The following PDE1C variants were observed in gnomAD, a reference collection of about 807,000 sequenced individuals.
The protein encoded by PDE1C is phosphodiesterase 1C.
A neutral mutation model predicts 93.1 loss-of-function variants in PDE1C; 62 were observed. That is an observed-to-expected ratio of 0.67 (90% CI 0.54 to 0.82). The LOEUF (loss-of-function observed/expected upper bound fraction) is 0.82, where lower values mean the gene tolerates loss of function less well. Ranked by LOEUF, PDE1C falls within the 40% of genes least tolerant of loss-of-function variation. The pLI is 0.00. For synonymous variants in PDE1C, 325 were observed against 310.1 expected (o/e 1.05, Z -0.50); for missense variants, 742 against 884.6 (o/e 0.84, Z 2.04).
In PDE1C at chr7:31,899,995, A is replaced by G. The variant is rs564819356; in HGVS notation, c.129-19135T>C. ...ACACAGGACAGCCCCACAGCAAAAA[A>G]TTATCTGGCTCAAAATGTCAGTTAC... On this transcript the variant is annotated intron_variant, in intron 2 of 17. Coordinates refer to ENST00000396191, the MANE Select transcript of PDE1C (RefSeq NM_001191057.4). Among the ~76,000 whole-genome samples the G allele has an allele frequency of 1.1e-4, 16 of 152,354 alleles. No individual in the cohort carries two copies. The East Asian group carries it at 2.3e-3, about 22-fold the overall frequency.
chr7:32,232,825 A>G (rs1312481661), intron 1 of PDE1C, among the ~76,000 whole-genome samples: 1 of 152,214 alleles, frequency 6.6e-6, no homozygotes, highest in Non-Finnish European at 1.5e-5. Context: ...AAGGGCTTTG[A>G]AAACAAATTT....
intron 1 of PDE1C, among the ~76,000 whole-genome samples, chr7:32,311,795 A>G (rs1170692063): frequency 6.6e-6 from 1 of 152,164 alleles, no homozygotes; most frequent in African/African-American, 2.4e-5. Context: ...CACAGCCAAT[A>G]TCATACTGAA....
At chr7:32,046,407 T>C (rs1792574527) in intron 2 of PDE1C, among the ~76,000 whole-genome samples, 1 of 152,162 alleles carries the variant, frequency 6.6e-6, no homozygotes, top group Non-Finnish European at 1.5e-5. Flanking sequence ...TATATGATAA[T>C]GTAAGTATCC....
At chr7:32,347,572 T>C (rs1235248040) in intron 1 of PDE1C, among the ~76,000 whole-genome samples, 2 of 152,144 alleles carry the variant, frequency 1.3e-5, no homozygotes, top group Non-Finnish European at 2.9e-5. Context: ...AGAAAGAGCA[T>C]CATGGGTGGG....
intron 1 of PDE1C, among the ~76,000 whole-genome samples, chr7:32,354,355 A>T (rs1048619295): frequency 9.2e-5 from 14 of 152,224 alleles, no homozygotes; most frequent in Admixed American, 6.5e-4. Flanking sequence ...GGCCAGGTGC[A>T]GTAGCTCATG....
Position 32,219,797 on chromosome 7 carries a change from C to A in PDE1C, c.86-10258G>T, listed in dbSNP as rs552917986. ...TTAACATGAATCAAAAGTGTTGAGA[C>A]AGAAATACAATATTGATATGGTTTG... is the stretch of plus-strand genomic sequence containing the variant. On this transcript the variant is annotated intron_variant, in intron 1 of 18. Transcript: ENST00000396193. Among the ~76,000 whole-genome samples the A allele has an allele frequency of 2.0e-5, 3 of 152,298 alleles. No homozygotes were observed. In the South Asian group the frequency reaches 6.2e-4, roughly 32 times the overall value.
intron 2 of PDE1C, among the ~76,000 whole-genome samples, chr7:31,978,505 G>T (rs1369921050): frequency 1.3e-5 from 2 of 152,202 alleles, no homozygotes; most frequent in African/African-American, 4.8e-5. Context: ...TTCTAACTCA[G>T]AAATTAGTGA....
At chr7:31,771,293 C>G (rs912132535) in intron 17 of PDE1C, among the ~76,000 whole-genome samples, 2 of 152,168 alleles carry the variant, frequency 1.3e-5, no homozygotes, top group South Asian at 4.1e-4. Context: ...TTGCCTTTGG[C>G]CAGACCATTT....
At chr7:32,317,706 C>A (rs956653894) in intron 1 of PDE1C, among the ~76,000 whole-genome samples, 1 of 152,146 alleles carries the variant, frequency 6.6e-6, no homozygotes, top group Non-Finnish European at 1.5e-5. Context: ...GCTCCACAGC[C>A]AACCTGCTGG....
rs535095042 is a variant in PDE1C at position 32,102,061 on chromosome 7, G to C, written c.308+67724C>G. On this transcript the variant is annotated intron_variant, in intron 3 of 18. Coordinates refer to the PDE1C transcript ENST00000396193. Reference sequence around the variant, plus strand: ...GAGAATAGCACCAAGCTATTCTTGAGGGATCTGCCCCCATGACCCAAATAT... The same window carrying C: ...GAGAATAGCACCAAGCTATTCTTGACGGATCTGCCCCCATGACCCAAATAT... Among the ~76,000 whole-genome samples, 3 of 152,234 alleles carry C rather than the reference G, an allele frequency of 2.0e-5. No individual in the cohort carries two copies. The East Asian group carries it at 5.8e-4, about 29-fold the overall frequency.
At chr7:32,020,421 T>C (rs1486113417) in intron 2 of PDE1C, among the ~76,000 whole-genome samples, 2 of 151,986 alleles carry the variant, frequency 1.3e-5, no homozygotes, top group African/African-American at 4.8e-5. Context: ...TTAAGGGAAA[T>C]TAATTTTATA....
chr7:32,013,833 T>C (rs1389363298), intron 2 of PDE1C, among the ~76,000 whole-genome samples: 3 of 152,254 alleles, frequency 2.0e-5, no homozygotes, highest in Non-Finnish European at 4.4e-5. Context: ...TATTTATTCT[T>C]AATTAGATGG....
intron 7 of PDE1C, among the ~76,000 whole-genome samples, chr7:31,853,865 G>T (rs1562924679): frequency 1.4e-5 from 2 of 144,566 alleles, no homozygotes; most frequent in African/African-American, 5.1e-5. Flanking sequence ...GGCACCCACT[G>T]CCATGCCCAG....
the PDE1C span, among the ~76,000 whole-genome samples, chr7:31,730,311 C>T: frequency 6.6e-6 from 1 of 152,142 alleles, no homozygotes; most frequent in African/African-American, 2.4e-5. Flanking sequence ...GAATGCTGAC[C>T]TCCATCTCAG....
chr7:31,689,872 C>T, the PDE1C span, among the ~76,000 whole-genome samples: 6 of 152,330 alleles, frequency 3.9e-5, no homozygotes, highest in Admixed American at 2.6e-4. Flanking sequence ...AATCCCAGAT[C>T]TGGAAATTGT....
chr7:32,306,350 C>T (rs913952429), intron 1 of PDE1C, among the ~76,000 whole-genome samples: 2 of 152,180 alleles, frequency 1.3e-5, no homozygotes, highest in Non-Finnish European at 2.9e-5. Flanking sequence ...AAATGGTCCT[C>T]CCTACTGCTC....
At position 31,888,422 on chromosome 7, in the gene PDE1C, A is replaced by G. The variant is rs181944674; in HGVS notation, c.129-7562T>C. On this transcript the variant is annotated intron_variant, in intron 2 of 17. Transcript: ENST00000396191. ...CAAACTCACAGCAGAAATAATTAGC[A>G]AAGCCAAAACCTGGGTCTTTGAAAT... Among the ~76,000 whole-genome samples, 370 of 152,168 alleles carry G rather than the reference A, an allele frequency of 2.4e-3. 1 individual carries two copies. The highest frequency in any genetic ancestry group is 7.2e-3 in the African/African-American group (298 of 41,528).
intron 2 of PDE1C, among the ~76,000 whole-genome samples, chr7:32,188,215 G>GGT (rs1331774002): frequency 6.9e-3 from 1 of 144 alleles, no homozygotes; most frequent in East Asian, 0.12. Context: ...ATATGAAATT[G>GGT]GGGGGGGATT....
At chr7:31,938,860 A>G (rs1335554975) in intron 2 of PDE1C, among the ~76,000 whole-genome samples, 1 of 152,202 alleles carries the variant, frequency 6.6e-6, no homozygotes, top group African/African-American at 2.4e-5. Flanking sequence ...GCATGTCTCA[A>G]TGACACAATG....
Sources: gnomAD v4.1 joint callset for allele counts (sites outside exome capture counted in the v4.1 genomes callset) on GRCh38, gnomAD v4.1.1 for gene constraint, MANE v1.5 for transcripts, NCBI Gene and HGNC (gene_info 2026-07-23, HGNC 2026-07-21) for gene names.